The following GRIA1 variants were observed in gnomAD, a reference collection of about 807,000 sequenced individuals.
GRIA1 encodes the protein glutamate ionotropic receptor AMPA type subunit 1, also known as glutamate receptor 1.
Under a neutral mutation model 99.2 loss-of-function variants are expected in GRIA1, and 31 were observed. That is an observed-to-expected ratio of 0.31 (90% CI 0.23 to 0.42). The LOEUF (loss-of-function observed/expected upper bound fraction) is 0.42, where lower values mean the gene tolerates loss of function less well. Ranked by LOEUF, GRIA1 falls within the 10% of genes least tolerant of loss-of-function variation. GRIA1 has a pLI of 1.00. For synonymous variants in GRIA1, 438 were observed against 432.4 expected (o/e 1.01, Z -0.16); for missense variants, 782 against 1,157.5 (o/e 0.68, Z 4.71).
chr5:153,776,733 A>G (rs1370446629), intron 13 of GRIA1, among the ~76,000 whole-genome samples: 1 of 152,210 alleles, frequency 6.6e-6, no homozygotes, highest in African/African-American at 2.4e-5. Flanking sequence ...GCATCTGGCT[A>G]AAGAAAAGGA....
chr5:153,564,206 G>A (rs1761413315), intron 2 of GRIA1, among the ~76,000 whole-genome samples: 1 of 152,144 alleles, frequency 6.6e-6, no homozygotes. Context: ...TGTTATTGGA[G>A]CAGCATCTGT....
At chr5:153,564,728 G>T (rs1318471548) in intron 2 of GRIA1, among the ~76,000 whole-genome samples, 2 of 152,178 alleles carry the variant, frequency 1.3e-5, no homozygotes, top group Admixed American at 6.5e-5. Flanking sequence ...AATGGAAGAT[G>T]AATGGCCAGG....
chr5:153,771,481 C>T (rs76896923), intron 13 of GRIA1, among the ~76,000 whole-genome samples: 4,136 of 152,266 alleles, frequency 0.027, 81 homozygotes, highest in Middle Eastern at 0.082. Flanking sequence ...GTAGCTGGAG[C>T]TACAATTTTG....
rs35636352 is a variant in GRIA1, at chr5:153,500,610, T to TACACACAC, written c.220+6583_220+6590dup. Among the ~76,000 whole-genome samples, 80 of 120,164 alleles carry TACACACAC rather than the reference T, an allele frequency of 6.7e-4. 1 individual carries two copies. The highest frequency in any genetic ancestry group is 6.6e-3 in the East Asian group (26 of 3,940). The allele number at this position is 120,164 out of a possible 152,430, so 78.8% of individuals were successfully genotyped here. On this transcript the variant is annotated intron_variant, in intron 2 of 15. Coordinates refer to ENST00000285900, the MANE Select transcript of GRIA1 (RefSeq NM_000827.4). The stretch of plus-strand genomic sequence containing the variant: ...TCTCTCTCTCTCTCCCCCTCTTACA[T>TACACACAC]ACACACACACACACACACACACACA...
chr5:153,737,338 A>G (rs1445730767), intron 11 of GRIA1, among the ~76,000 whole-genome samples: 1 of 149,766 alleles, frequency 6.7e-6, no homozygotes, highest in Admixed American at 6.6e-5. Context: ...TTTTCCACAT[A>G]TGAAACAATT....
intron 11 of GRIA1, 146 bp from the exon 12 acceptor site, chr5:153,764,288 A>C: frequency 1.6e-6 from 1 of 644,138 alleles, no homozygotes; most frequent in Non-Finnish European, 2.8e-6. Flanking sequence ...ACAACATTTG[A>C]ATTCTCACAT....
intron 5 of GRIA1, among the ~76,000 whole-genome samples, chr5:153,659,934 T>C (rs967596678): frequency 2.0e-5 from 3 of 152,200 alleles, no homozygotes; most frequent in African/African-American, 7.2e-5. Context: ...CAACAATCTC[T>C]CTCATTTTTA....
At chr5:153,648,647 A>C (rs902524999) in intron 3 of GRIA1, among the ~76,000 whole-genome samples, 1 of 152,254 alleles carries the variant, frequency 6.6e-6, no homozygotes, top group Non-Finnish European at 1.5e-5. Flanking sequence ...CTCACCAAAC[A>C]ACTTGCACTG....
At chr5:153,491,822 C>T (rs560691378) in intron 1 of GRIA1, among the ~76,000 whole-genome samples, 1 of 152,134 alleles carries the variant, frequency 6.6e-6, no homozygotes, top group East Asian at 1.9e-4. Flanking sequence ...TTTTTTGTTC[C>T]CCATTTCCCC....
chr5:153,599,741 T>C lies in GRIA1; in HGVS notation c.221-47187T>C, dbSNP rs555177465. Among the ~76,000 whole-genome samples the C allele has an allele frequency of 9.4e-4, 143 of 152,206 alleles. 1 individual carries two copies. Among genetic ancestry groups the C allele is most frequent in the African/African-American group, 3.3e-3 (138 of 41,512 alleles). On this transcript the variant is annotated intron_variant, in intron 2 of 15. Coordinates refer to ENST00000285900, the MANE Select transcript of GRIA1 (RefSeq NM_000827.4). ...GAGTGGTGCAAGCCCGCCAGTGAGTTTGTCACCAGTTGAGAAGACTTAAAC... is the reference window on the plus strand; with the variant it reads ...GAGTGGTGCAAGCCCGCCAGTGAGTCTGTCACCAGTTGAGAAGACTTAAAC...
chr5:153,591,352 C>CACT (rs1287338926), intron 2 of GRIA1, among the ~76,000 whole-genome samples: 2 of 152,158 alleles, frequency 1.3e-5, no homozygotes, highest in African/African-American at 4.8e-5. Flanking sequence ...GTTTGTGGAG[C>CACT]ACTAATTTGT....
At chr5:153,561,485 G>A (rs1385890391) in intron 2 of GRIA1, among the ~76,000 whole-genome samples, 1 of 152,174 alleles carries the variant, frequency 6.6e-6, no homozygotes, top group Non-Finnish European at 1.5e-5. Context: ...GGGTCAGGAA[G>A]CTGTAACTTG....
At chr5:153,506,510 G>T (rs1755523196) in intron 2 of GRIA1, among the ~76,000 whole-genome samples, 1 of 152,116 alleles carries the variant, frequency 6.6e-6, no homozygotes, top group African/African-American at 2.4e-5. Flanking sequence ...TTAGCTCTGT[G>T]CCAAGCTCCA....
In GRIA1 at chr5:153,811,082, C is replaced by T. The variant is rs1425756849; in HGVS notation, c.2578C>T (p.Pro860Ser). 1 of 1,614,146 alleles carries T rather than the reference C, an allele frequency of 6.2e-7. No individual in the cohort carries two copies. The highest frequency in any genetic ancestry group is 2.2e-5 in the East Asian group (1 of 44,866). The change falls in exon 16 of 16, where the codon CCC becomes TCC. Residue 860 changes from proline (P) to serine (S), a missense_variant. Transcript: ENST00000285900. ...INEAIRTSTL[P>S]RNSGAGASSG... is the part of the protein sequence containing the mutation. ...CGAAGCCATACGGACATCGACCCTC[C>T]CCCGCAACAGCGGGGCAGGAGCCAG... is the stretch of plus-strand genomic sequence containing the variant.
At chr5:153,590,562 A>G (rs1763881553) in intron 2 of GRIA1, among the ~76,000 whole-genome samples, 1 of 149,416 alleles carries the variant, frequency 6.7e-6, no homozygotes, top group Non-Finnish European at 1.5e-5. Context: ...GTTACAATAT[A>G]TGTATCTCTT....
At chr5:153,576,867 G>A (rs897657079) in intron 2 of GRIA1, among the ~76,000 whole-genome samples, 3 of 152,100 alleles carry the variant, frequency 2.0e-5, no homozygotes, top group South Asian at 2.1e-4. Context: ...CTCTTTATAC[G>A]AATGAGTTGC....
intron 14 of GRIA1, among the ~76,000 whole-genome samples, chr5:153,799,466 G>C (rs1425940059): frequency 6.6e-6 from 1 of 152,206 alleles, no homozygotes; most frequent in Non-Finnish European, 1.5e-5. Context: ...CGCTTAAAGG[G>C]AATCAGAACA....
chr5:153,674,719 A>G (rs1756446272), intron 6 of GRIA1, 58 bp downstream of exon 6: 5 of 1,537,964 alleles, frequency 3.3e-6, no homozygotes, highest in East Asian at 4.5e-5. Flanking sequence ...CCTGCCCCAG[A>G]TTTCTGAGCT....
chr5:153,693,767 C>T (rs1253854781), intron 8 of GRIA1, among the ~76,000 whole-genome samples: 1 of 152,238 alleles, frequency 6.6e-6, no homozygotes, highest in Non-Finnish European at 1.5e-5. Context: ...ACTACTAACT[C>T]TGATTTACTT....
Sources: allele counts gnomAD v4.1 joint callset (sites outside exome capture counted in the v4.1 genomes callset), GRCh38; gene constraint gnomAD v4.1.1; transcripts MANE v1.5; gene names NCBI Gene and HGNC (gene_info 2026-07-23, HGNC 2026-07-21).